The following RETREG1 variants were observed in gnomAD, a reference collection of about 807,000 sequenced individuals.
RETREG1 encodes family with sequence similarity 134 member B.
In RETREG1, 44 loss-of-function variants were observed where a neutral mutation model predicts 54.8. The observed-to-expected ratio is 0.80, with a 90% CI of 0.63 to 1.03. The LOEUF (loss-of-function observed/expected upper bound fraction) is 1.03. RETREG1 is among the 50% of genes least tolerant of loss of function. RETREG1 has a pLI of 0.00. For missense variants in RETREG1, 554 were observed against 605.1 expected (o/e 0.92, Z 0.89); for synonymous variants, 217 against 238.5 (o/e 0.91, Z 0.83).
intron 1 of RETREG1, among the ~76,000 whole-genome samples, chr5:16,587,020 A>G (rs1742641991): frequency 6.6e-6 from 1 of 152,228 alleles, no homozygotes; most frequent in Non-Finnish European, 1.5e-5. Context: ...GGACCTAATC[A>G]GCTCCCAAAG....
chr5:16,476,800 T>C (rs1738556258), intron 8 of RETREG1, among the ~76,000 whole-genome samples: 1 of 152,040 alleles, frequency 6.6e-6, no homozygotes, highest in Non-Finnish European at 1.5e-5. Context: ...AAATAGCTAA[T>C]CGATGCTGGG....
rs946637511 is a variant in RETREG1 at position 16,593,205 on chromosome 5, T to G, written c.321-21103A>C. 2.0e-4 allele frequency among the ~76,000 whole-genome samples: 30 copies of G among 152,248 alleles called. No individual in the cohort carries two copies. The highest frequency in any genetic ancestry group is 7.2e-4 in the African/African-American group (30 of 41,560). ...TCTCCTTAGCAGCCTGCTGTTAAAT[T>G]AGGTCACCCCACTGCTCCCCCGGAG... On this transcript the variant is annotated intron_variant, in intron 1 of 8. Transcript: ENST00000306320. This position sits in a 1 kb window ranked among gnomAD's most constrained non-coding sequence, Gnocchi z 4.9.
At chr5:16,517,137 G>A (rs1740384782) in intron 3 of RETREG1, among the ~76,000 whole-genome samples, 1 of 150,464 alleles carries the variant, frequency 6.6e-6, no homozygotes, top group African/African-American at 2.5e-5. Context: ...TTGGAATGAG[G>A]AGGAAGATAT....
intron 2 of RETREG1, among the ~76,000 whole-genome samples, chr5:16,567,060 G>T (rs569681313): frequency 6.6e-6 from 1 of 152,326 alleles, no homozygotes; most frequent in East Asian, 1.9e-4. Context: ...GTAAAGAAAT[G>T]AGTATAGCTG....
chr5:16,512,582 G>A (rs1332302570), intron 3 of RETREG1, among the ~76,000 whole-genome samples: 7 of 147,226 alleles, frequency 4.8e-5, no homozygotes, highest in African/African-American at 1.7e-4. Flanking sequence ...ATCAGTCCGA[G>A]TTTTTTTTTT....
rs533810914 is a variant in RETREG1, at chr5:16,479,231, T to C, written c.671-244A>G. 3.8e-4 allele frequency among the ~76,000 whole-genome samples: 58 copies of C among 152,176 alleles called. 2 individuals carry two copies. The South Asian group carries it at 7.9e-3, about 21-fold the overall frequency. Reference sequence around the variant, plus strand: ...AAGTTTATAATTTCTATTCTTTTTCTGTAAGGTAAACATTTTCTACCACCA... The same window carrying C: ...AAGTTTATAATTTCTATTCTTTTTCCGTAAGGTAAACATTTTCTACCACCA... On this transcript the variant is annotated intron_variant, in intron 5 of 8. Transcript: ENST00000306320.
At chr5:16,476,492 A>C (rs1738541363) in intron 8 of RETREG1, among the ~76,000 whole-genome samples, 1 of 152,178 alleles carries the variant, frequency 6.6e-6, no homozygotes, top group Non-Finnish European at 1.5e-5. Context: ...TCCTGTTTTT[A>C]ATTGTACTTA....
intron 1 of RETREG1, among the ~76,000 whole-genome samples, chr5:16,599,150 T>G (rs1003851214): frequency 6.6e-6 from 1 of 152,140 alleles, no homozygotes; most frequent in Admixed American, 6.5e-5. Context: ...GAGGTTGCAG[T>G]GAGCCAAGAT....
At chr5:16,554,236 A>T (rs1397110933) in intron 3 of RETREG1, among the ~76,000 whole-genome samples, 1 of 152,218 alleles carries the variant, frequency 6.6e-6, no homozygotes, top group East Asian at 1.9e-4. Context: ...CCCCACCTGG[A>T]ATGATGCTGA....
Position 16,565,812 on chromosome 5 carries a change from A to G in RETREG1, c.428-19T>C, listed in dbSNP as rs1231848079. 1.1e-5 allele frequency: 18 copies of G among 1,612,802 alleles called. No homozygotes were observed. The highest frequency in any genetic ancestry group is 1.4e-5 in the Non-Finnish European group (16 of 1,179,626). On this transcript the variant is annotated intron_variant, in intron 2 of 8. Transcript: ENST00000306320. ...TGTGCACCTGCAACAGGGAGAAGCA[A>G]AATGTGAAACTTAACAGAGGTATTT...
intron 3 of RETREG1, among the ~76,000 whole-genome samples, chr5:16,509,612 G>A (rs150435948): frequency 2.5e-4 from 37 of 150,848 alleles, no homozygotes; most frequent in African/African-American, 8.6e-4. Context: ...TGAAAGCTTT[G>A]GACAAAAAGT....
chr5:16,554,353 C>T (rs1042571752), intron 3 of RETREG1, among the ~76,000 whole-genome samples: 1 of 152,128 alleles, frequency 6.6e-6, no homozygotes, highest in Non-Finnish European at 1.5e-5. Flanking sequence ...CTCCTGTAAC[C>T]AGCGCCTGCC....
chr5:16,556,997 T>G (rs1366511049), intron 3 of RETREG1, among the ~76,000 whole-genome samples: 2 of 152,156 alleles, frequency 1.3e-5, no homozygotes, highest in East Asian at 3.9e-4. Flanking sequence ...GCCTGGCTAA[T>G]TTTTGTGTTT....
chr5:16,531,177 C>A (rs1740905830), intron 3 of RETREG1, among the ~76,000 whole-genome samples: 1 of 152,162 alleles, frequency 6.6e-6, no homozygotes. Flanking sequence ...TTTATAATGT[C>A]TTAAAGAAAG....
At chr5:16,570,295 GA>G (rs1487473230) in intron 2 of RETREG1, among the ~76,000 whole-genome samples, 8 of 152,190 alleles carry the variant, frequency 5.3e-5, no homozygotes, top group Non-Finnish European at 1.5e-5. Context: ...TTGTGAGTAT[GA>G]AATTTCCACA....
chr5:16,504,184 C>T (rs1444245436), intron 3 of RETREG1, among the ~76,000 whole-genome samples: 4 of 152,148 alleles, frequency 2.6e-5, no homozygotes, highest in African/African-American at 4.8e-5. Context: ...ATTAGTTCGC[C>T]GAGGATAACG....
At chr5:16,498,412 A>G (rs1383855509) in intron 3 of RETREG1, among the ~76,000 whole-genome samples, 1 of 152,218 alleles carries the variant, frequency 6.6e-6, no homozygotes, top group Non-Finnish European at 1.5e-5. Flanking sequence ...ATACAGAATA[A>G]AAGATTTTTA....
chr5:16,572,295 C>A (rs577695262), intron 1 of RETREG1, among the ~76,000 whole-genome samples, 193 bp from the exon 2 acceptor site: 1 of 151,792 alleles, frequency 6.6e-6, no homozygotes, highest in Non-Finnish European at 1.5e-5. Context: ...TCACTGCAAC[C>A]TCTGCCTCCC....
At chr5:16,568,419 C>A (rs1445080808) in intron 2 of RETREG1, among the ~76,000 whole-genome samples, 14 of 151,966 alleles carry the variant, frequency 9.2e-5, no homozygotes, top group African/African-American at 7.3e-5. Context: ...TTACAGGTGC[C>A]CACCACCACG....
Sources: gnomAD v4.1 joint callset for allele counts (sites outside exome capture counted in the v4.1 genomes callset) on GRCh38, gnomAD v4.1.1 for gene constraint, Gnocchi (gnomAD v3.1) non-coding constraint, MANE v1.5 for transcripts, NCBI Gene and HGNC (gene_info 2026-07-23, HGNC 2026-07-21) for gene names.